Variants in ADCK2 observed in about 807,000 individuals in gnomAD.
ADCK2 encodes aarF domain containing kinase 2.
ADCK2 carries 37 observed loss-of-function variants against 52.3 expected under a neutral mutation model. The observed-to-expected ratio is 0.71, with a 90% confidence interval of 0.54 to 0.93. The LOEUF (loss-of-function observed/expected upper bound fraction) is 0.93, where lower values mean the gene tolerates loss of function less well. ADCK2 is among the 40% of genes least tolerant of loss of function. ADCK2 has a pLI of 0.00. For missense variants in ADCK2, 695 were observed against 798.7 expected (o/e 0.87, Z 1.56); for synonymous variants, 321 against 349.2 (o/e 0.92, Z 0.90).
rs569845382 is a variant in ADCK2 at position 140,673,117 on chromosome 7, C to CGCGCG, written c.-195_-191dup. The CGCGCG allele has an allele frequency of 0.071, 21,438 of 302,148 alleles. 1,882 individuals carry two copies. Among genetic ancestry groups the CGCGCG allele is most frequent in the African/African-American group, 0.26 (11,534 of 44,214 alleles). The allele number at this position is 302,148 out of a possible 1,614,324, so 18.7% of individuals were successfully genotyped here. On this transcript the variant is annotated 5_prime_UTR_variant, in exon 1 of 8. Coordinates refer to ENST00000072869, the MANE Select transcript of ADCK2 (RefSeq NM_052853.4). This position sits in a 1 kb window ranked among gnomAD's most constrained non-coding sequence, Gnocchi z 6.4. ...GTTGGTGCCGTCTGACAGCCCCTTC[C>CGCGCG]GCGCGGCGCGGCGCGGCGCGGCGGG...
chr7:140,684,254 G>A (rs1794567019), intron 4 of ADCK2, among the ~76,000 whole-genome samples: 1 of 152,120 alleles, frequency 6.6e-6, no homozygotes, highest in African/African-American at 2.4e-5. Context: ...TTGTCGTCAG[G>A]CTTCTTATCT....
chr7:140,692,407 G>C (rs1794724785), intron 7 of ADCK2, among the ~76,000 whole-genome samples: 2 of 152,234 alleles, frequency 1.3e-5, no homozygotes, highest in Non-Finnish European at 2.9e-5. Context: ...ACCGAGGCTG[G>C]AGTGCAGTGG....
At position 140,673,704 on chromosome 7, in the gene ADCK2, GC is replaced by G; in HGVS notation, c.375del (p.Ser125ArgfsTer11). On this transcript the variant is annotated frameshift_variant, in exon 1 of 8. Transcript: ENST00000072869. LOFTEE classifies it high-confidence loss of function. This position sits in a 1 kb window ranked among gnomAD's most constrained non-coding sequence, Gnocchi z 6.4. ...TACCCCCTCACCTACCTGGCTCCCAGCGTCTCCACCCTCTGGCTCCACCTGC... is the reference window on the plus strand; with the variant it reads ...TACCCCCTCACCTACCTGGCTCCCAGGTCTCCACCCTCTGGCTCCACCTGC... The part of the protein sequence containing the change: ...LLYPLTYLAP[S>X]VSTLWLHLLL... The G allele has an allele frequency of 1.2e-6, 2 of 1,611,732 alleles. No homozygotes were observed. The highest frequency in any genetic ancestry group is 1.7e-6 in the Non-Finnish European group (2 of 1,179,688).
Position 140,693,952 on chromosome 7 carries a change from G to GC in ADCK2, c.1741-708dup, listed in dbSNP as rs1794751876. 6.6e-6 allele frequency among the ~76,000 whole-genome samples: 1 copy of GC among 151,928 alleles called. No homozygotes were observed. On this transcript the variant is annotated intron_variant, in intron 7 of 7. Transcript: ENST00000072869. This position sits in a 1 kb window ranked among gnomAD's most constrained non-coding sequence, Gnocchi z 4.0. ...TCTCGATCTCCTGACCTCATGATCC[G>GC]CCCGCCTCGGTCTCCCAAAGGGCTG...
At position 140,683,829 on chromosome 7, in the gene ADCK2, C is replaced by G. The variant is rs1190043891; in HGVS notation, c.1305+2692C>G. ...ACCCCAGAGTGCAGGGACAGCCGTC[C>G]CCACCCCCAGCAATAGACTGAGAAA... On this transcript the variant is annotated intron_variant, in intron 4 of 7. Coordinates refer to ENST00000072869, the MANE Select transcript of ADCK2 (RefSeq NM_052853.4). 2.0e-5 allele frequency among the ~76,000 whole-genome samples: 3 copies of G among 152,116 alleles called. No homozygotes were observed. In the East Asian group the frequency reaches 5.8e-4, roughly 29 times the overall value.
intron 7 of ADCK2, among the ~76,000 whole-genome samples, chr7:140,694,166 G>C (rs1019023112): frequency 1.3e-5 from 2 of 152,146 alleles, no homozygotes; most frequent in Admixed American, 6.6e-5. Context: ...ACAAAAAAGA[G>C]TCCCAGTCTC....
chr7:140,677,669 T>C (rs182088165), intron 2 of ADCK2, among the ~76,000 whole-genome samples: 2 of 152,276 alleles, frequency 1.3e-5, no homozygotes, highest in African/African-American at 2.4e-5. Flanking sequence ...TACTGTGCAA[T>C]TTTATGTCAG....
Position 140,673,565 on chromosome 7 carries a change from G to T in ADCK2, c.235G>T (p.Gly79Trp). 1 of 1,601,598 alleles carries T rather than the reference G, an allele frequency of 6.2e-7. No individual in the cohort carries two copies. The highest frequency in any genetic ancestry group is 8.5e-7 in the Non-Finnish European group (1 of 1,177,734). Residue 79 changes from glycine (G) to tryptophan (W), a missense_variant, in exon 1 of 8, where the codon GGG (glycine) becomes TGG (tryptophan). Physicochemically the swap from Gly to Trp is radical, Grantham distance 184. Coordinates refer to ENST00000072869, the MANE Select transcript of ADCK2 (RefSeq NM_052853.4). This position sits in a 1 kb window ranked among gnomAD's most constrained non-coding sequence, Gnocchi z 6.4. ...RVRCSGAAGA[G>W]PAESLPRAGP... ...CCGCTGCAGCGGGGCGGCTGGCGCGGGGCCCGCGGAGAGCCTCCCCCGAGC... is the reference window on the plus strand; with the variant it reads ...CCGCTGCAGCGGGGCGGCTGGCGCGTGGCCCGCGGAGAGCCTCCCCCGAGC...
rs149279343 is a variant in ADCK2, at chr7:140,674,427, G to A, written c.933+164G>A. The stretch of plus-strand genomic sequence containing the variant: ...ATTTATTGGCTTGAAGTGGCGGTGT[G>A]AATAGTCTGATAGAGGAAAATGAAC... On this transcript the variant is annotated intron_variant, in intron 1 of 7. Transcript: ENST00000072869. This position sits in a 1 kb window ranked among gnomAD's most constrained non-coding sequence, Gnocchi z 4.6. 9,117 of 1,094,470 alleles carry A rather than the reference G, an allele frequency of 8.3e-3. 54 individuals are homozygous for A. Among genetic ancestry groups the A allele is most frequent in the Non-Finnish European group, 9.9e-3 (7,797 of 785,810 alleles). The allele number at this position is 1,094,470 out of a possible 1,614,324, so 67.8% of individuals were successfully genotyped here.
Position 140,673,816 on chromosome 7 carries a change from T to A in ADCK2, c.486T>A (p.Ala162=). ...CCCGGCGCGATCTGTTTTCGGAGGC[T>A]TTCTGTGCCCAATTTTCCAAGCTGC... is the stretch of plus-strand genomic sequence containing the variant. The part of the protein sequence containing the change: ...ASTRRDLFSE[A]FCAQFSKLHV... The change falls in exon 1 of 8, where the codon GCT becomes GCA. Residue 162 remains alanine, a synonymous_variant. Transcript: ENST00000072869. This position sits in a 1 kb window ranked among gnomAD's most constrained non-coding sequence, Gnocchi z 6.4. 1 of 1,613,480 alleles carries A rather than the reference T, an allele frequency of 6.2e-7. No individual in the cohort carries two copies. The highest frequency in any genetic ancestry group is 8.5e-7 in the Non-Finnish European group (1 of 1,179,960).
rs547143104 is a variant in ADCK2 at position 140,681,464 on chromosome 7, C to T, written c.1305+327C>T. ...TCCCAAGTAGCTGGGACTACAGGCGCCCGCCACCACGCCTGGCTAATTTTT... is the reference window on the plus strand; with the variant it reads ...TCCCAAGTAGCTGGGACTACAGGCGTCCGCCACCACGCCTGGCTAATTTTT... On this transcript the variant is annotated intron_variant, in intron 4 of 7. Coordinates refer to ENST00000072869, the MANE Select transcript of ADCK2 (RefSeq NM_052853.4). 8.6e-5 allele frequency among the ~76,000 whole-genome samples: 13 copies of T among 151,898 alleles called. No individual in the cohort carries two copies. The South Asian group carries it at 2.7e-3, about 32-fold the overall frequency.
intron 4 of ADCK2, among the ~76,000 whole-genome samples, chr7:140,683,306 C>A (rs1315341243): frequency 6.6e-6 from 1 of 152,100 alleles, no homozygotes; most frequent in African/African-American, 2.4e-5. Context: ...AACAAACAAA[C>A]ATAAAGAGAC....
intron 4 of ADCK2, among the ~76,000 whole-genome samples, chr7:140,681,640 T>C (rs994448770): frequency 6.6e-6 from 1 of 150,730 alleles, no homozygotes; most frequent in African/African-American, 2.4e-5. Flanking sequence ...TTTTTTAAGA[T>C]AGGGTCTCAC....
chr7:140,685,451 GAA>G (rs5887982), intron 4 of ADCK2, among the ~76,000 whole-genome samples: 34 of 134,578 alleles, frequency 2.5e-4, no homozygotes, highest in African/African-American at 8.0e-4. Context: ...CTCAGTCTCA[GAA>G]AAAAAAAAAA....
At position 140,674,102 on chromosome 7, in the gene ADCK2, G is replaced by A; in HGVS notation, c.772G>A (p.Gly258Arg). The change falls in exon 1 of 8, where the codon GGA becomes AGA. Residue 258 changes from glycine (G) to arginine (R), a missense_variant. By Grantham distance (125) the Gly-to-Arg change is moderately radical. Transcript: ENST00000072869. This position sits in a 1 kb window ranked among gnomAD's most constrained non-coding sequence, Gnocchi z 4.6. ...GCTGAGAGAGCTCTTTGGATACCTT[G>A]GAAATGGCCGGAAACCTCCAGAAAA... ...GGLRELFGYL[G>R]NGRKPPENLA... 1.2e-6 allele frequency: 2 copies of A among 1,614,150 alleles called. No homozygotes were observed. Among genetic ancestry groups the A allele is most frequent in the Non-Finnish European group, 1.7e-6 (2 of 1,180,034 alleles).
chr7:140,673,198 G>C lies in ADCK2; in HGVS notation c.-133G>C, dbSNP rs572203720. The stretch of plus-strand genomic sequence containing the variant: ...GGCCCGGCGAGGTGCTGGAGGGAGC[G>C]GGGCGCGGATCCGGCCCAGATGGGC... On this transcript the variant is annotated 5_prime_UTR_variant, in exon 1 of 8. Transcript: ENST00000072869. The surrounding 1 kb of genome is among the most constrained non-coding windows in gnomAD (Gnocchi z 6.4). 1.9e-4 allele frequency: 124 copies of C among 661,592 alleles called. 3 individuals carry two copies. The South Asian group carries it at 4.9e-3, about 26-fold the overall frequency. The allele number at this position is 661,592 out of a possible 1,614,324, so 41.0% of individuals were successfully genotyped here.
intron 7 of ADCK2, 99 bp downstream of exon 7, chr7:140,690,912 T>A: frequency 8.9e-7 from 1 of 1,123,456 alleles, no homozygotes. Flanking sequence ...ATTATATGGT[T>A]CTTGTTTTTT....
At position 140,695,046 on chromosome 7, in the gene ADCK2, C is replaced by T; in HGVS notation, c.*243C>T. 8 of 1,243,240 alleles carry T rather than the reference C, an allele frequency of 6.4e-6. No individual in the cohort carries two copies. The highest frequency in any genetic ancestry group is 8.0e-6 in the Non-Finnish European group (8 of 994,082). The allele number at this position is 1,243,240 out of a possible 1,614,324, so 77.0% of individuals were successfully genotyped here. On this transcript the variant is annotated 3_prime_UTR_variant, in exon 8 of 8. Coordinates refer to ENST00000072869, the MANE Select transcript of ADCK2 (RefSeq NM_052853.4). ...CCATTGTGGAAGCTGGGCCAGGTGC[C>T]AGGGACACTCTCCTTCAGGGAAAAT...
In ADCK2 at chr7:140,689,659, G is replaced by C. The variant is rs752883985; in HGVS notation, c.1620G>C (p.Glu540Asp). 6.2e-6 allele frequency: 10 copies of C among 1,613,692 alleles called. No individual in the cohort carries two copies. The highest frequency in any genetic ancestry group is 7.6e-6 in the Non-Finnish European group (9 of 1,179,830). ...GGGCCAGCGAGTGCAGGGACGTGGA[G>C]GGGTTCAAAACCGAGATGGCCATGC... ...HARASECRDV[E>D]GFKTEMAMLV... The change falls in exon 6 of 8, where the codon GAG becomes GAC. Residue 540 changes from glutamate to aspartate, a missense_variant. Physicochemically the swap from Glu to Asp is conservative, Grantham distance 45 (BLOSUM62 2). Coordinates refer to ENST00000072869, the MANE Select transcript of ADCK2 (RefSeq NM_052853.4).
Sources: allele counts gnomAD v4.1 joint callset (sites outside exome capture counted in the v4.1 genomes callset), GRCh38; gene constraint gnomAD v4.1.1; non-coding constraint Gnocchi (gnomAD v3.1); transcripts MANE v1.5; gene names NCBI Gene and HGNC (gene_info 2026-07-23, HGNC 2026-07-21).